Variants in RIMS1 observed in about 807,000 individuals in gnomAD.
RIMS1 encodes the protein regulating synaptic membrane exocytosis 1.
In RIMS1, 83 loss-of-function variants were observed where a neutral mutation model predicts 214.1. The observed-to-expected ratio is 0.39, with a 90% CI of 0.32 to 0.47. The LOEUF is 0.47. Ranked by LOEUF, RIMS1 falls within the 20% of genes least tolerant of loss-of-function variation. RIMS1 has a pLI of 0.99. For synonymous variants in RIMS1, 793 were observed against 786.8 expected (o/e 1.01, Z -0.13); for missense variants, 2,050 against 2,161.8 (o/e 0.95, Z 1.03).
intron 2 of RIMS1, among the ~76,000 whole-genome samples, chr6:72,075,592 C>T (rs181523716): frequency 1.5e-4 from 23 of 152,288 alleles, no homozygotes; most frequent in African/African-American, 5.1e-4. Flanking sequence ...GAGCTTTAAT[C>T]CTGGCATCCA....
chr6:72,332,367 C>A (rs2096692602), intron 28 of RIMS1, among the ~76,000 whole-genome samples: 1 of 151,492 alleles, frequency 6.6e-6, no homozygotes, highest in South Asian at 2.1e-4. Flanking sequence ...GATAATAAAG[C>A]TGCATATGCA....
intron 4 of RIMS1, among the ~76,000 whole-genome samples, chr6:72,167,878 G>T: frequency 6.9e-6 from 1 of 144,136 alleles, no homozygotes; most frequent in African/African-American, 2.6e-5. Context: ...AAATTTCTGG[G>T]TCCATTGATT....
chr6:72,259,378 A>G (rs2077063167), intron 18 of RIMS1, among the ~76,000 whole-genome samples: 2 of 152,128 alleles, frequency 1.3e-5, no homozygotes, highest in Admixed American at 6.6e-5. Flanking sequence ...GTTGACTTAG[A>G]TATTGACCTA....
At chr6:72,132,649 T>G (rs1438668778) in intron 4 of RIMS1, among the ~76,000 whole-genome samples, 1 of 151,980 alleles carries the variant, frequency 6.6e-6, no homozygotes. Flanking sequence ...CATGCTTCAG[T>G]TGGAGAATGG....
At chr6:72,351,911 T>C (rs1008631395) in intron 29 of RIMS1, among the ~76,000 whole-genome samples, 1 of 152,182 alleles carries the variant, frequency 6.6e-6, no homozygotes, top group Non-Finnish European at 1.5e-5. Flanking sequence ...TTTTTCATCT[T>C]CAGTGATATG....
chr6:72,192,650 G>A (rs370289907), intron 6 of RIMS1, among the ~76,000 whole-genome samples: 19 of 152,306 alleles, frequency 1.2e-4, no homozygotes, highest in African/African-American at 4.1e-4. Flanking sequence ...CGTGAGTCAG[G>A]CTATTCCGAT....
intron 31 of RIMS1, among the ~76,000 whole-genome samples, chr6:72,393,402 G>A (rs2098732434): frequency 6.6e-6 from 1 of 152,102 alleles, no homozygotes; most frequent in Admixed American, 6.6e-5. Context: ...TTCCTAAGAG[G>A]AAAAATAATT....
At chr6:72,102,211 A>T (rs1405788669) in intron 4 of RIMS1, among the ~76,000 whole-genome samples, 1 of 152,008 alleles carries the variant, frequency 6.6e-6, no homozygotes, top group African/African-American at 2.4e-5. Flanking sequence ...GGGATTTCCC[A>T]TAAATTTTCA....
At chr6:72,143,369 ACAGT>A (rs1331733289) in intron 4 of RIMS1, among the ~76,000 whole-genome samples, 1 of 152,224 alleles carries the variant, frequency 6.6e-6, no homozygotes, top group Non-Finnish European at 1.5e-5. Flanking sequence ...TGGAGAAAAG[ACAGT>A]CAGCTTAAAT....
chr6:71,933,599 T>C (rs1783682861), intron 1 of RIMS1, among the ~76,000 whole-genome samples: 2 of 151,636 alleles, frequency 1.3e-5, no homozygotes, highest in South Asian at 4.2e-4. Flanking sequence ...AAAATACCAG[T>C]GGCAGAGAGA....
At chr6:72,295,766 G>T (rs926556728) in intron 26 of RIMS1, among the ~76,000 whole-genome samples, 6 of 151,426 alleles carry the variant, frequency 4.0e-5, no homozygotes, top group African/African-American at 1.5e-4. Context: ...ATTAATTTTA[G>T]TACCATATTT....
At chr6:72,353,314 T>G (rs2097527832) in intron 29 of RIMS1, among the ~76,000 whole-genome samples, 2 of 152,138 alleles carry the variant, frequency 1.3e-5, no homozygotes, top group Admixed American at 1.3e-4. Flanking sequence ...AAGTAAAGTC[T>G]GAAAATACTG....
At chr6:72,359,085 A>G (rs911149658) in intron 29 of RIMS1, among the ~76,000 whole-genome samples, 1 of 152,198 alleles carries the variant, frequency 6.6e-6, no homozygotes, top group Non-Finnish European at 1.5e-5. Flanking sequence ...AGTAAATGCA[A>G]ACCTACCACC....
Position 71,896,231 on chromosome 6 carries a change from A to T in RIMS1, c.164+9044A>T, listed in dbSNP as rs540354655. Among the ~76,000 whole-genome samples, 4 of 152,354 alleles carry T rather than the reference A, an allele frequency of 2.6e-5. No individual in the cohort carries two copies. The South Asian group carries it at 6.2e-4, about 24-fold the overall frequency. Reference sequence around the variant, plus strand: ...CATAAAAGTGTAATTTTGAAAAATAAAATACAGTAAAGTCTTCTTATATTG... The same window carrying T: ...CATAAAAGTGTAATTTTGAAAAATATAATACAGTAAAGTCTTCTTATATTG... On this transcript the variant is annotated intron_variant, in intron 1 of 33. Coordinates refer to ENST00000521978, the MANE Select transcript of RIMS1 (RefSeq NM_014989.7).
intron 1 of RIMS1, among the ~76,000 whole-genome samples, chr6:71,956,931 G>T (rs1484688957): frequency 6.6e-6 from 1 of 152,118 alleles, no homozygotes; most frequent in East Asian, 1.9e-4. Context: ...GGGACCCAAA[G>T]AAGTCTTTGC....
chr6:72,201,744 A>G (rs746406634), intron 6 of RIMS1, among the ~76,000 whole-genome samples: 23 of 152,156 alleles, frequency 1.5e-4, no homozygotes, highest in Non-Finnish European at 2.1e-4. Flanking sequence ...CAACCCTAAC[A>G]ATCTAAATTT....
At position 72,272,728 on chromosome 6, in the gene RIMS1, C is replaced by T. The variant is rs576468591; in HGVS notation, c.3399-1621C>T. Among the ~76,000 whole-genome samples, 12 of 152,188 alleles carry T rather than the reference C, an allele frequency of 7.9e-5. No homozygotes were observed. The East Asian group carries it at 2.3e-3, about 29-fold the overall frequency. The stretch of plus-strand genomic sequence containing the variant: ...TAATTCTGTCCAGTTAATATTGTTA[C>T]TTCACAGAAAAATACTAAGTCTATA... On this transcript the variant is annotated intron_variant, in intron 22 of 33. Coordinates refer to ENST00000521978, the MANE Select transcript of RIMS1 (RefSeq NM_014989.7).
intron 4 of RIMS1, among the ~76,000 whole-genome samples, chr6:72,169,409 A>C (rs1359942989): frequency 6.6e-6 from 1 of 152,224 alleles, no homozygotes; most frequent in Non-Finnish European, 1.5e-5. Context: ...TAGAAGAGCA[A>C]GAATTGAGTC....
chr6:72,271,286 A>ATATAT (rs1554403465), intron 22 of RIMS1, among the ~76,000 whole-genome samples: 24 of 44,370 alleles, frequency 5.4e-4, no homozygotes, highest in Admixed American at 2.0e-3. Flanking sequence ...AAAAAAAAAA[A>ATATAT]ATATATATAT....
Sources: gnomAD v4.1 joint callset for allele counts (sites outside exome capture counted in the v4.1 genomes callset) on GRCh38, gnomAD v4.1.1 for gene constraint, MANE v1.5 for transcripts, NCBI Gene and HGNC (gene_info 2026-07-23, HGNC 2026-07-21) for gene names.